BCAS3: variants seen among roughly 807,000 people sequenced by gnomAD.
BCAS3 encodes the protein BCAS4/BCAS3 fusion.
In BCAS3, 53 loss-of-function variants were observed where a neutral mutation model predicts 116.1. The ratio of observed to expected loss-of-function variants is 0.46; its 90% CI spans 0.37 to 0.57. BCAS3 has a LOEUF of 0.57. BCAS3 is among the 20% of genes least tolerant of loss of function. The pLI is 0.00. For missense variants in BCAS3, 917 were observed against 1,165.4 expected (o/e 0.79, Z 3.10); for synonymous variants, 391 against 408.2 (o/e 0.96, Z 0.51).
chr17:60,704,928 A>G (rs192456907), intron 4 of BCAS3, among the ~76,000 whole-genome samples: 3 of 151,994 alleles, frequency 2.0e-5, no homozygotes, highest in Non-Finnish European at 4.4e-5. Context: ...GAAGTGGTCT[A>G]CTTGCCCCCA....
Position 61,324,171 on chromosome 17 carries a change from G to A in BCAS3, c.2426-44156G>A, listed in dbSNP as rs1183137208. 6.6e-6 allele frequency among the ~76,000 whole-genome samples: 1 copy of A among 152,166 alleles called. No individual in the cohort carries two copies. The highest frequency in any genetic ancestry group is 2.4e-5 in the African/African-American group (1 of 41,414). ...CCAGAGGCAGGGACCCCATCCTTCT[G>A]ATTCTCTGTATCCCCAGTGCCAGAC... On this transcript the variant is annotated intron_variant, in intron 22 of 23. Transcript: ENST00000407086. The surrounding 1 kb of genome is among the most constrained non-coding windows in gnomAD (Gnocchi z 4.6).
Position 60,897,659 on chromosome 17 carries a change from A to G in BCAS3, c.739-4961A>G, listed in dbSNP as rs149888653. On this transcript the variant is annotated intron_variant, in intron 10 of 23. Coordinates refer to ENST00000407086, the MANE Select transcript of BCAS3 (RefSeq NM_017679.5). Reference sequence around the variant, plus strand: ...GATTGTTTCAAAAGATCTGTCTTCAAGTTCTGAGATTCTCCCTTTTGCCTG... The same window carrying G: ...GATTGTTTCAAAAGATCTGTCTTCAGGTTCTGAGATTCTCCCTTTTGCCTG... 6.8e-4 allele frequency among the ~76,000 whole-genome samples: 103 copies of G among 152,018 alleles called. 1 individual carries two copies. The highest frequency in any genetic ancestry group is 1.8e-3 in the African/African-American group (73 of 41,484).
chr17:61,069,932 C>G (rs767178557), intron 19 of BCAS3: 26 of 1,554,022 alleles, frequency 1.7e-5, no homozygotes, highest in Non-Finnish European at 2.3e-5. Context: ...AAAGCGAAGG[C>G]TTTAAAGGCC....
In BCAS3 at chr17:61,214,646, G is replaced by A. The variant is rs1007491554; in HGVS notation, c.2425+130082G>A. Among the ~76,000 whole-genome samples the A allele has an allele frequency of 2.0e-5, 3 of 150,198 alleles. No individual in the cohort carries two copies. The highest frequency in any genetic ancestry group is 6.6e-5 in the Admixed American group (1 of 15,060). On this transcript the variant is annotated intron_variant, in intron 22 of 23. Coordinates refer to ENST00000407086, the MANE Select transcript of BCAS3 (RefSeq NM_017679.5). This position sits in a 1 kb window ranked among gnomAD's most constrained non-coding sequence, Gnocchi z 4.4. ...GCGGAGCTTGCAGTGAGCCGAGATC[G>A]CGCCACTGCACTCCAGCCTGGGCGA...
chr17:60,953,986 G>A (rs1014305131), intron 14 of BCAS3, among the ~76,000 whole-genome samples: 56 of 151,976 alleles, frequency 3.7e-4, no homozygotes, highest in Non-Finnish European at 5.9e-4. Flanking sequence ...TACCTGCCTC[G>A]GTCTCCCAAA....
intron 22 of BCAS3, among the ~76,000 whole-genome samples, chr17:61,330,707 G>A (rs2056200623): frequency 6.6e-6 from 1 of 152,336 alleles, no homozygotes; most frequent in Non-Finnish European, 1.5e-5. Flanking sequence ...GCACACAGGG[G>A]ACACCTGAAG....
chr17:60,841,836 G>A (rs573396311), intron 7 of BCAS3, among the ~76,000 whole-genome samples: 4 of 152,122 alleles, frequency 2.6e-5, no homozygotes, highest in African/African-American at 9.6e-5. Flanking sequence ...AGGGCTGTCT[G>A]CAGTTCCTTG....
In BCAS3 at chr17:61,388,889, G is replaced by A. The variant is rs1323142535; in HGVS notation, c.2594-3088G>A. The stretch of plus-strand genomic sequence containing the variant: ...AGAAAAGCGCCCACAAAGCTGCCCC[G>A]GGGCCAGCAGGCCCCCGATTCTTTC... On this transcript the variant is annotated intron_variant, in intron 23 of 23. Coordinates refer to ENST00000407086, the MANE Select transcript of BCAS3 (RefSeq NM_017679.5). This position sits in a 1 kb window ranked among gnomAD's most constrained non-coding sequence, Gnocchi z 6.5. The A allele has an allele frequency of 2.4e-5, 14 of 590,706 alleles. No homozygotes were observed. The highest frequency in any genetic ancestry group is 2.2e-4 in the South Asian group (10 of 44,914). The allele number at this position is 590,706 out of a possible 1,614,324, so 36.6% of individuals were successfully genotyped here.
chr17:60,844,313 TA>T (rs1441779478), intron 7 of BCAS3, among the ~76,000 whole-genome samples: 1 of 152,164 alleles, frequency 6.6e-6, no homozygotes, highest in African/African-American at 2.4e-5. Context: ...AATGAGAATA[TA>T]AAAGGCAATA....
In BCAS3 at chr17:60,990,197, C is replaced by T. The variant is rs868360631; in HGVS notation, c.1448C>T (p.Pro483Leu). The T allele has an allele frequency of 6.2e-7, 1 of 1,614,044 alleles. No individual in the cohort carries two copies. Among genetic ancestry groups the T allele is most frequent in the African/African-American group, 1.3e-5 (1 of 74,910 alleles). The change falls in exon 15 of 24, where the codon CCA becomes CTA. Residue 483 changes from proline (P) to leucine (L), a missense_variant. Physicochemically the swap from Pro to Leu is moderately conservative, Grantham distance 98. Transcript: ENST00000407086. The surrounding 1 kb of genome is among the most constrained non-coding windows in gnomAD (Gnocchi z 5.1). ...SKQGGRCSPV[P>L]GLSSSPSGSP... Reference sequence around the variant, plus strand: ...CAAGGAGGTCGCTGTAGCCCTGTTCCAGGTCTATCAAGCAGCCCTTCTGGG... The same window carrying T: ...CAAGGAGGTCGCTGTAGCCCTGTTCTAGGTCTATCAAGCAGCCCTTCTGGG...
Position 61,324,715 on chromosome 17 carries a change from C to T in BCAS3, c.2426-43612C>T, listed in dbSNP as rs779771389. 6.6e-6 allele frequency among the ~76,000 whole-genome samples: 1 copy of T among 151,914 alleles called. No homozygotes were observed. The highest frequency in any genetic ancestry group is 2.4e-5 in the African/African-American group (1 of 41,358). On this transcript the variant is annotated intron_variant, in intron 22 of 23. Coordinates refer to ENST00000407086, the MANE Select transcript of BCAS3 (RefSeq NM_017679.5). This position sits in a 1 kb window ranked among gnomAD's most constrained non-coding sequence, Gnocchi z 4.6. Reference sequence around the variant, plus strand: ...ATTTGCCTTGTTTATAAAATGGTATCCAGCCAGGCACGGTAGCTCACTTCT... The same window carrying T: ...ATTTGCCTTGTTTATAAAATGGTATTCAGCCAGGCACGGTAGCTCACTTCT...
At chr17:61,223,687 GATGTATGCT>G (rs2082235437) in intron 22 of BCAS3, among the ~76,000 whole-genome samples, 1 of 152,110 alleles carries the variant, frequency 6.6e-6, no homozygotes, top group African/African-American at 2.4e-5. Context: ...TTCTTTTCAT[GATGTATGCT>G]TTTTAAAAAT....
At chr17:60,891,202 A>G (rs2057124552) in intron 10 of BCAS3, among the ~76,000 whole-genome samples, 1 of 152,234 alleles carries the variant, frequency 6.6e-6, no homozygotes, top group African/African-American at 2.4e-5. Context: ...TGCTGGAAAC[A>G]TTCAAGACAA....
chr17:60,867,927 C>T (rs768234415), intron 7 of BCAS3, among the ~76,000 whole-genome samples: 28 of 151,390 alleles, frequency 1.8e-4, no homozygotes, highest in Non-Finnish European at 4.0e-4. Flanking sequence ...TACCCTTTAT[C>T]GTATTAAGGA....
chr17:61,015,095 C>G (rs1218036121), intron 15 of BCAS3, among the ~76,000 whole-genome samples: 2 of 152,140 alleles, frequency 1.3e-5, no homozygotes, highest in South Asian at 2.1e-4. Flanking sequence ...TAATCCCTAT[C>G]AAAAACTCAG....
rs9905176 is a variant in BCAS3, at chr17:61,285,259, T to G, written c.2426-83068T>G. Among the ~76,000 whole-genome samples the G allele has an allele frequency of 6.6e-4, 85 of 129,074 alleles. No individual in the cohort carries two copies. Among genetic ancestry groups the G allele is most frequent in the African/African-American group, 2.8e-3 (80 of 28,850 alleles). 84.7% of individuals were successfully genotyped at this position (129,074 alleles called of 152,430 possible). ...TGTGTGTGTGTGTGTGTGTGTGTGT[T>G]TCTTGCTAAAATGCAGCAAAGGAAG... On this transcript the variant is annotated intron_variant, in intron 22 of 23. Coordinates refer to ENST00000407086, the MANE Select transcript of BCAS3 (RefSeq NM_017679.5). This position sits in a 1 kb window ranked among gnomAD's most constrained non-coding sequence, Gnocchi z 5.4.
intron 22 of BCAS3, among the ~76,000 whole-genome samples, chr17:61,154,380 C>CA (rs2077711681): frequency 6.6e-6 from 1 of 151,862 alleles, no homozygotes; most frequent in Non-Finnish European, 1.5e-5. Context: ...ATTTTCTTTG[C>CA]AAAAATTCTG....
chr17:61,052,945 G>C (rs979575724), intron 19 of BCAS3, among the ~76,000 whole-genome samples: 5 of 151,710 alleles, frequency 3.3e-5, no homozygotes, highest in African/African-American at 1.2e-4. Context: ...CTTGAATTCT[G>C]ACCTCAAGCG....
intron 14 of BCAS3, among the ~76,000 whole-genome samples, chr17:60,953,194 C>T (rs1419797129): frequency 1.3e-5 from 2 of 152,284 alleles, no homozygotes; most frequent in East Asian, 1.9e-4. Context: ...AATTGCCACA[C>T]GGCTTTCCCC....
Sources: gnomAD v4.1 joint callset for allele counts (sites outside exome capture counted in the v4.1 genomes callset) on GRCh38, gnomAD v4.1.1 for gene constraint, Gnocchi (gnomAD v3.1) non-coding constraint, MANE v1.5 for transcripts, NCBI Gene and HGNC (gene_info 2026-07-23, HGNC 2026-07-21) for gene names.